The following PIEZO2 variants were observed in gnomAD, a reference collection of about 807,000 sequenced individuals.
PIEZO2 encodes piezo type mechanosensitive ion channel component 2, also known as piezo-type mechanosensitive ion channel component 2.
Under a neutral mutation model 337.3 loss-of-function variants are expected in PIEZO2, and 172 were observed. That is an observed-to-expected ratio of 0.51 (90% confidence interval 0.45 to 0.58). The LOEUF (loss-of-function observed/expected upper bound fraction) is 0.58. Ranked by LOEUF, PIEZO2 falls within the 20% of genes least tolerant of loss-of-function variation. The pLI is 0.00. For synonymous variants in PIEZO2, 1,251 were observed against 1,228.5 expected, an observed-to-expected ratio of 1.02 and a Z score of -0.38; for missense variants, 3,028 against 3,391.3, an observed-to-expected ratio of 0.89 and a Z score of 2.66.
chr18:10,759,592 AG>A lies in PIEZO2; in HGVS notation c.3656-10del. 6.5e-7 allele frequency: 1 copy of A among 1,537,050 alleles called. No homozygotes were observed. Among genetic ancestry groups the A allele is most frequent in the East Asian group, 2.4e-5 (1 of 40,916 alleles). On this transcript the variant is annotated splice_polypyrimidine_tract_variant and intron_variant, in intron 25 of 55. Coordinates refer to ENST00000674853, the MANE Select transcript of PIEZO2 (RefSeq NM_001378183.1). The surrounding 1 kb of genome is among the most constrained non-coding windows in gnomAD (Gnocchi z 5.5). ...GAATCTCCACGGGTAATCTGCAGGG[AG>A]GGAAGTGGCGAACAGCACAATCAAT...
chr18:10,826,595 A>G (rs1355867046), intron 7 of PIEZO2, among the ~76,000 whole-genome samples: 1 of 152,334 alleles, frequency 6.6e-6, no homozygotes, highest in East Asian at 1.9e-4. Flanking sequence ...CAGTTACCTA[A>G]GTCAGCAAAT....
At chr18:10,960,929 A>G (rs2033747230) in intron 3 of PIEZO2, among the ~76,000 whole-genome samples, 1 of 152,200 alleles carries the variant, frequency 6.6e-6, no homozygotes, top group South Asian at 2.1e-4. Context: ...CTGTAATCCC[A>G]GCACTTTGGG....
intron 4 of PIEZO2, among the ~76,000 whole-genome samples, chr18:10,901,430 G>GCGCACA (rs1012517962): frequency 5.4e-5 from 8 of 147,992 alleles, no homozygotes; most frequent in African/African-American, 2.0e-4. Context: ...ACACACACAC[G>GCGCACA]CACACACACA....
intron 1 of PIEZO2, among the ~76,000 whole-genome samples, chr18:11,090,726 A>G (rs2039049918): frequency 6.6e-6 from 1 of 152,106 alleles, no homozygotes; most frequent in South Asian, 2.1e-4. Context: ...CCTGGCTAAC[A>G]CGGTGAAACC....
intron 49 of PIEZO2, 56 bp downstream of exon 49, chr18:10,689,599 C>A (rs376313699): frequency 6.2e-7 from 1 of 1,610,034 alleles, no homozygotes. Flanking sequence ...CATCTTATAA[C>A]CAGCCTGTAT....
intron 39 of PIEZO2, among the ~76,000 whole-genome samples, chr18:10,709,968 G>A (rs955678932): frequency 2.0e-5 from 3 of 152,258 alleles, no homozygotes; most frequent in Non-Finnish European, 4.4e-5. Context: ...AGCATTGGAC[G>A]AACACAGTGA....
rs964362523 is a variant in PIEZO2 at position 11,097,983 on chromosome 18, A to AT, written c.65-31762dup. Among the ~76,000 whole-genome samples the AT allele has an allele frequency of 5.3e-5, 8 of 152,226 alleles. No homozygotes were observed. Among genetic ancestry groups the AT allele is most frequent in the Non-Finnish European group, 1.0e-4 (7 of 68,036 alleles). ...ACTCATCTTTAAAAATGAATTAATAATAAAAACTAATGCTCATATACTTTA... is the reference window on the plus strand; with the variant it reads ...ACTCATCTTTAAAAATGAATTAATAATTAAAAACTAATGCTCATATACTTTA... On this transcript the variant is annotated intron_variant, in intron 1 of 55. Transcript: ENST00000674853. The surrounding 1 kb of genome is among the most constrained non-coding windows in gnomAD (Gnocchi z 5.0).
At chr18:11,065,495 G>C (rs1422302424) in intron 2 of PIEZO2, among the ~76,000 whole-genome samples, 1 of 152,186 alleles carries the variant, frequency 6.6e-6, no homozygotes, top group Admixed American at 6.5e-5. Flanking sequence ...CCTAATTAGA[G>C]CCTCAGAAAT....
chr18:11,016,426 A>G lies in PIEZO2; in HGVS notation c.161-36766T>C, dbSNP rs895029721. ...ACAACACAGAGGAACCAAAACCCAGACAATTCCCTTCAGGGGCCCCAGAGA... is the reference window on the plus strand; with the variant it reads ...ACAACACAGAGGAACCAAAACCCAGGCAATTCCCTTCAGGGGCCCCAGAGA... On this transcript the variant is annotated intron_variant, in intron 2 of 55. Transcript: ENST00000674853. The surrounding 1 kb of genome is among the most constrained non-coding windows in gnomAD (Gnocchi z 5.6). Among the ~76,000 whole-genome samples, 1 of 152,194 alleles carries G rather than the reference A, an allele frequency of 6.6e-6. No homozygotes were observed. The highest frequency in any genetic ancestry group is 1.5e-5 in the Non-Finnish European group (1 of 68,038).
In PIEZO2 at chr18:10,766,831, C is replaced by T. The variant is rs2038378835; in HGVS notation, c.2946+3317G>A. On this transcript the variant is annotated intron_variant, in intron 21 of 55. Coordinates refer to ENST00000674853, the MANE Select transcript of PIEZO2 (RefSeq NM_001378183.1). The surrounding 1 kb of genome is among the most constrained non-coding windows in gnomAD (Gnocchi z 6.1). ...TGTCTTTCAAGCTACTACACTAGCACCTAGCACCATGTACGCATTCACTTT... is the reference window on the plus strand; with the variant it reads ...TGTCTTTCAAGCTACTACACTAGCATCTAGCACCATGTACGCATTCACTTT... Among the ~76,000 whole-genome samples the T allele has an allele frequency of 6.6e-6, 1 of 152,206 alleles. No individual in the cohort carries two copies. Among genetic ancestry groups the T allele is most frequent in the South Asian group, 2.1e-4 (1 of 4,838 alleles).
chr18:10,883,862 G>A (rs2144871344), intron 4 of PIEZO2, among the ~76,000 whole-genome samples: 1 of 133,252 alleles, frequency 7.5e-6, no homozygotes, highest in South Asian at 2.5e-4. Flanking sequence ...CTAGGCTGGA[G>A]TGCAGTGGCA....
chr18:11,018,456 G>A (rs2036200900), intron 2 of PIEZO2, among the ~76,000 whole-genome samples: 1 of 149,792 alleles, frequency 6.7e-6, no homozygotes, highest in Non-Finnish European at 1.5e-5. Context: ...AAGAACATGA[G>A]CTTGGATCAG....
Position 10,677,981 on chromosome 18 carries a change from A to T in PIEZO2, c.7953-106T>A. ...ATTTGATTAATGTCACCACGTTTTC[A>T]TTGGGTCCACAACGGTCAATCCTGA... On this transcript the variant is annotated intron_variant, in intron 52 of 55. Coordinates refer to ENST00000674853, the MANE Select transcript of PIEZO2 (RefSeq NM_001378183.1). This position sits in a 1 kb window ranked among gnomAD's most constrained non-coding sequence, Gnocchi z 4.1. 1 of 1,161,456 alleles carries T rather than the reference A, an allele frequency of 8.6e-7. No individual in the cohort carries two copies. Among genetic ancestry groups the T allele is most frequent in the Non-Finnish European group, 1.2e-6 (1 of 851,244 alleles). 71.9% of individuals were successfully genotyped at this position (1,161,456 alleles called of 1,614,324 possible).
At position 10,718,471 on chromosome 18, in the gene PIEZO2, T is replaced by C. The variant is rs530817218; in HGVS notation, c.5030-212A>G. Among the ~76,000 whole-genome samples, 44 of 152,376 alleles carry C rather than the reference T, an allele frequency of 2.9e-4. No homozygotes were observed. The South Asian group carries it at 8.5e-3, about 29-fold the overall frequency. Reference sequence around the variant, plus strand: ...TTATGTAAATCAAGGATGTGTAAACTACATTCGCTGGTGGGTACCGGCCAG... The same window carrying C: ...TTATGTAAATCAAGGATGTGTAAACCACATTCGCTGGTGGGTACCGGCCAG... On this transcript the variant is annotated intron_variant, in intron 36 of 55. Coordinates refer to ENST00000674853, the MANE Select transcript of PIEZO2 (RefSeq NM_001378183.1).
At chr18:10,868,414 A>G (rs1213846001) in intron 5 of PIEZO2, among the ~76,000 whole-genome samples, 1 of 152,184 alleles carries the variant, frequency 6.6e-6, no homozygotes, top group African/African-American at 2.4e-5. Flanking sequence ...AGATTGTCAC[A>G]TGGAAGCAAT....
chr18:11,034,685 G>A (rs1235895578), intron 2 of PIEZO2, among the ~76,000 whole-genome samples: 3 of 152,152 alleles, frequency 2.0e-5, no homozygotes, highest in Non-Finnish European at 4.4e-5. Flanking sequence ...GGTTTTGTGT[G>A]CGTAAAAAAC....
At chr18:11,054,612 T>C (rs2037649485) in intron 2 of PIEZO2, among the ~76,000 whole-genome samples, 2 of 152,224 alleles carry the variant, frequency 1.3e-5, no homozygotes, top group Admixed American at 1.3e-4. Context: ...CATAAAACCC[T>C]GACTTGGTTT....
chr18:10,931,739 A>G (rs1267274864), intron 3 of PIEZO2, among the ~76,000 whole-genome samples: 2 of 151,548 alleles, frequency 1.3e-5, no homozygotes, highest in East Asian at 3.9e-4. Flanking sequence ...AGAGAGAGAG[A>G]GAGGGAAAGC....
chr18:10,800,494 A>C lies in PIEZO2; in HGVS notation c.1240-19T>G, dbSNP rs1384817671. On this transcript the variant is annotated intron_variant, in intron 10 of 55. Transcript: ENST00000674853. ...GCAGGCCCTGCCGGGAGTGCAGAGA[A>C]AGGGACAACTGTTACAGCAGCTCTG... The C allele has an allele frequency of 6.6e-7, 1 of 1,520,682 alleles. No homozygotes were observed. Among genetic ancestry groups the C allele is most frequent in the Admixed American group, 2.1e-5 (1 of 47,680 alleles). 94.2% of individuals were successfully genotyped at this position (1,520,682 alleles called of 1,614,324 possible). A position where few individuals can be genotyped will look rare whatever the true frequency, so the allele number is the denominator to read the frequency against.
Sources: gnomAD v4.1 joint callset for allele counts (sites outside exome capture counted in the v4.1 genomes callset) on GRCh38, gnomAD v4.1.1 for gene constraint, Gnocchi (gnomAD v3.1) non-coding constraint, MANE v1.5 for transcripts, NCBI Gene and HGNC (gene_info 2026-07-23, HGNC 2026-07-21) for gene names.